Variants in SMYD3 observed in about 807,000 individuals in gnomAD.
SMYD3 encodes the protein histone-lysine N-methyltransferase SMYD3.
A neutral mutation model predicts 57.7 loss-of-function variants in SMYD3; 36 were observed. The observed-to-expected ratio is 0.62, with a 90% CI of 0.48 to 0.82. The LOEUF is 0.82. Ranked by LOEUF, SMYD3 falls within the 40% of genes least tolerant of loss-of-function variation. SMYD3 has a pLI of 0.00. For missense variants in SMYD3, 515 were observed against 538.8 expected, an observed-to-expected ratio of 0.96 and a Z score of 0.44; for synonymous variants, 211 against 195.0, an observed-to-expected ratio of 1.08 and a Z score of -0.68.
intron 5 of SMYD3, among the ~76,000 whole-genome samples, chr1:246,095,981 T>C (rs1244700342): frequency 2.0e-5 from 3 of 152,228 alleles, no homozygotes; most frequent in African/African-American, 4.8e-5. Flanking sequence ...GAAATATCCA[T>C]ACAAAGACAC....
At chr1:246,444,655 T>G (rs1333953314) in intron 1 of SMYD3, among the ~76,000 whole-genome samples, 1 of 152,184 alleles carries the variant, frequency 6.6e-6, no homozygotes, top group African/African-American at 2.4e-5. Flanking sequence ...ACATTGAGCA[T>G]CTAAATACCA....
intron 10 of SMYD3, among the ~76,000 whole-genome samples, chr1:245,792,804 C>T (rs189696128): frequency 6.6e-5 from 10 of 152,210 alleles, no homozygotes; most frequent in Admixed American, 1.3e-4. Flanking sequence ...GCATGAGGGA[C>T]GACGTCGAAG....
At chr1:245,815,003 G>A (rs999364434) in intron 10 of SMYD3, among the ~76,000 whole-genome samples, 6 of 152,106 alleles carry the variant, frequency 3.9e-5, no homozygotes, top group African/African-American at 1.4e-4. Flanking sequence ...GGTAAACTAA[G>A]CCCACAGACA....
chr1:246,102,183 C>G (rs547716016), intron 5 of SMYD3, among the ~76,000 whole-genome samples: 1 of 152,308 alleles, frequency 6.6e-6, no homozygotes, highest in East Asian at 1.9e-4. Flanking sequence ...GAACCTGTGT[C>G]ACCTCGAACT....
intron 10 of SMYD3, among the ~76,000 whole-genome samples, chr1:245,817,529 G>A (rs200377795): frequency 0.01 from 1,186 of 118,462 alleles, 1 homozygote; most frequent in East Asian, 0.031. Flanking sequence ...CACCAGCAAC[G>A]GAACAAAGCT....
intron 10 of SMYD3, among the ~76,000 whole-genome samples, chr1:245,798,463 T>TACACACACATACACAACACACC (rs2047687163): frequency 3.3e-4 from 4 of 12,290 alleles, no homozygotes; most frequent in Non-Finnish European, 6.2e-4. Flanking sequence ...TGCACACACA[T>TACACACACATACACAACACACC]ACACACACAT....
chr1:245,929,286 A>C (rs56818884), intron 6 of SMYD3, among the ~76,000 whole-genome samples: 2,628 of 152,358 alleles, frequency 0.017, 85 homozygotes, highest in African/African-American at 0.06. Flanking sequence ...ATTATTAGAA[A>C]GTCTAAATTT....
At chr1:246,458,816 T>C (rs1558474318) in intron 1 of SMYD3, among the ~76,000 whole-genome samples, 1 of 152,096 alleles carries the variant, frequency 6.6e-6, no homozygotes, top group Non-Finnish European at 1.5e-5. Flanking sequence ...GTAACTATTC[T>C]GCAGCCTAAC....
Position 246,351,655 on chromosome 1 carries a change from T to C in SMYD3, c.228+3376A>G, listed in dbSNP as rs572178447. Among the ~76,000 whole-genome samples the C allele has an allele frequency of 7.9e-5, 12 of 152,308 alleles. No individual in the cohort carries two copies. In the South Asian group the frequency reaches 2.5e-3, roughly 32 times the overall value. On this transcript the variant is annotated intron_variant, in intron 2 of 11. Coordinates refer to ENST00000490107, the MANE Select transcript of SMYD3 (RefSeq NM_001167740.2). ...TACATATGTCGATGTGTACGCTATA[T>C]ATGATGCATAAACCAATAGTTTGGT...
chr1:246,030,172 C>T (rs2059646388), intron 5 of SMYD3, among the ~76,000 whole-genome samples: 1 of 152,070 alleles, frequency 6.6e-6, no homozygotes, highest in Non-Finnish European at 1.5e-5. Flanking sequence ...ACTCTACTTT[C>T]ACGCATGAAG....
rs750131668 is a variant in SMYD3, at chr1:246,495,790, T to A, written c.164+11264A>T. Among the ~76,000 whole-genome samples, 386 of 139,706 alleles carry A rather than the reference T, an allele frequency of 2.8e-3. 1 individual carries two copies. The highest frequency in any genetic ancestry group is 4.3e-3 in the Non-Finnish European group (275 of 63,592). The allele number at this position is 139,706 out of a possible 152,430, so 91.7% of individuals were successfully genotyped here. A position where few individuals can be genotyped will look rare whatever the true frequency, so the allele number is the denominator to read the frequency against. On this transcript the variant is annotated intron_variant, in intron 1 of 11. Transcript: ENST00000490107. The stretch of plus-strand genomic sequence containing the variant: ...CCCCATCTCTACCAAAAATACCAAA[T>A]AAAAAAAAAAAATTAGCCAGGGGTG...
At chr1:245,847,307 T>C (rs1165024582) in intron 10 of SMYD3, among the ~76,000 whole-genome samples, 1 of 152,214 alleles carries the variant, frequency 6.6e-6, no homozygotes, top group Admixed American at 6.5e-5. Flanking sequence ...CGATCAAATA[T>C]TATAAGGTCT....
chr1:246,033,376 CTA>C lies in SMYD3; in HGVS notation c.532-103441_532-103440del, dbSNP rs77545246. Among the ~76,000 whole-genome samples, 98 of 152,262 alleles carry C rather than the reference CTA, an allele frequency of 6.4e-4. No homozygotes were observed. The East Asian group carries it at 0.014, about 22-fold the overall frequency. ...AGAAATGGAGTACAGATTAGTAGCT[CTA>C]CAGGTTAAAGAGCGGTTGGGATGTA... On this transcript the variant is annotated intron_variant, in intron 5 of 11. Transcript: ENST00000490107.
chr1:245,968,770 T>C (rs1040846527), intron 5 of SMYD3, among the ~76,000 whole-genome samples: 1 of 152,188 alleles, frequency 6.6e-6, no homozygotes, highest in Non-Finnish European at 1.5e-5. Context: ...GTTTCCCATA[T>C]TCCATTTAAT....
At chr1:245,853,559 C>T (rs1236448861) in intron 10 of SMYD3, among the ~76,000 whole-genome samples, 1 of 152,194 alleles carries the variant, frequency 6.6e-6, no homozygotes, top group Non-Finnish European at 1.5e-5. Context: ...AACATGTACC[C>T]GGCAAGCTCT....
At chr1:245,921,390 T>C (rs2055917990) in intron 7 of SMYD3, among the ~76,000 whole-genome samples, 2 of 152,128 alleles carry the variant, frequency 1.3e-5, no homozygotes, top group South Asian at 4.1e-4. Flanking sequence ...AGAACTACCA[T>C]TTGAGCCAAC....
intron 8 of SMYD3, among the ~76,000 whole-genome samples, chr1:245,873,218 C>T (rs934196391): frequency 4.6e-5 from 7 of 152,196 alleles, no homozygotes; most frequent in Non-Finnish European, 5.9e-5. Context: ...GCACCCTCCC[C>T]CCATACTGGA....
chr1:246,009,693 A>T (rs2059243269), intron 5 of SMYD3, among the ~76,000 whole-genome samples: 1 of 152,050 alleles, frequency 6.6e-6, no homozygotes, highest in South Asian at 2.1e-4. Flanking sequence ...TCCTTATTTA[A>T]AAAAGGAGAA....
At chr1:246,141,027 TGTCAGGGGCTACCCAA>T (rs1165038175) in intron 5 of SMYD3, among the ~76,000 whole-genome samples, 1 of 152,200 alleles carries the variant, frequency 6.6e-6, no homozygotes, top group East Asian at 1.9e-4. Context: ...GTAGAGGTAT[TGTCAGGGGCTACCCAA>T]GTGGGCAGGC....
Sources: gnomAD v4.1 joint callset for allele counts (sites outside exome capture counted in the v4.1 genomes callset) on GRCh38, gnomAD v4.1.1 for gene constraint, MANE v1.5 for transcripts, NCBI Gene and HGNC (gene_info 2026-07-23, HGNC 2026-07-21) for gene names.